Variants in DISC1 observed in about 807,000 individuals in gnomAD.
DISC1 encodes disrupted in schizophrenia 1 protein.
Under a neutral mutation model 84.5 loss-of-function variants are expected in DISC1, and 57 were observed. The observed-to-expected ratio is 0.67, with a 90% CI of 0.55 to 0.84. DISC1 has a LOEUF of 0.84. DISC1 is among the 40% of genes least tolerant of loss of function. The pLI, the probability that DISC1 is intolerant of heterozygous loss-of-function variation, is 0.00. For missense variants in DISC1, 1,000 were observed against 1,057.8 expected, an observed-to-expected ratio of 0.95 and a Z score of 0.76; for synonymous variants, 411 against 415.2, an observed-to-expected ratio of 0.99 and a Z score of 0.12.
chr1:231,920,077 G>A (rs2126077137), intron 9 of DISC1, among the ~76,000 whole-genome samples: 1 of 152,188 alleles, frequency 6.6e-6, no homozygotes, highest in Admixed American at 6.5e-5. Flanking sequence ...CGTACTAGAT[G>A]CTAGTGCCTC....
intron 10 of DISC1, among the ~76,000 whole-genome samples, chr1:231,995,412 C>A (rs1665794938): frequency 6.6e-6 from 1 of 151,722 alleles, no homozygotes; most frequent in East Asian, 1.9e-4. Flanking sequence ...CATATGTATA[C>A]ATGTGCCATG....
At chr1:232,035,522 A>G (rs887420602) in intron 12 of DISC1, among the ~76,000 whole-genome samples, 1 of 152,206 alleles carries the variant, frequency 6.6e-6, no homozygotes, top group Non-Finnish European at 1.5e-5. Flanking sequence ...TTGCATTGAC[A>G]TTGCACTTTG....
At chr1:231,750,648 TC>T in intron 4 of DISC1, 1 of 955,580 alleles carries the variant, frequency 1.0e-6, no homozygotes, top group Non-Finnish European at 1.2e-6. Flanking sequence ...ATGTCCAGGC[TC>T]CTCCCCAGGC....
intron 9 of DISC1, among the ~76,000 whole-genome samples, chr1:231,846,397 G>C (rs1264472521): frequency 6.6e-6 from 1 of 152,208 alleles, no homozygotes; most frequent in African/African-American, 2.4e-5. Context: ...TTGGACCCTG[G>C]CCTTCCTAAG....
At position 231,698,855 on chromosome 1, in the gene DISC1, A is replaced by G. The variant is rs998889294; in HGVS notation, c.1048-3100A>G. On this transcript the variant is annotated intron_variant, in intron 2 of 12. Transcript: ENST00000439617. This position sits in a 1 kb window ranked among gnomAD's most constrained non-coding sequence, Gnocchi z 4.9. ...TACTGGTAAACTTTGCAGTTGTAAT[A>G]TAGAACAATTCAAAGACAAAGGGGT... Among the ~76,000 whole-genome samples the G allele has an allele frequency of 1.3e-5, 2 of 152,194 alleles. No individual in the cohort carries two copies. Among genetic ancestry groups the G allele is most frequent in the Admixed American group, 6.5e-5 (1 of 15,280 alleles).
intron 1 of DISC1, among the ~76,000 whole-genome samples, chr1:231,669,980 A>G (rs1311010495): frequency 1.3e-5 from 2 of 152,218 alleles, no homozygotes; most frequent in East Asian, 3.8e-4. Flanking sequence ...CTAAATGCCA[A>G]TCAATGATAG....
At chr1:231,988,512 C>A (rs1387835394) in intron 10 of DISC1, among the ~76,000 whole-genome samples, 1 of 152,166 alleles carries the variant, frequency 6.6e-6, no homozygotes, top group Non-Finnish European at 1.5e-5. Flanking sequence ...GGAGCCCTCA[C>A]GAGTGCTGAT....
At chr1:231,736,370 G>C (rs1028668320) in intron 3 of DISC1, among the ~76,000 whole-genome samples, 2 of 152,204 alleles carry the variant, frequency 1.3e-5, no homozygotes, top group African/African-American at 4.8e-5. Context: ...ATCAAGTTCA[G>C]ACTCTGCCTT....
intron 11 of DISC1, among the ~76,000 whole-genome samples, chr1:232,014,369 C>T (rs1668290888): frequency 6.6e-6 from 1 of 152,182 alleles, no homozygotes; most frequent in African/African-American, 2.4e-5. Context: ...TTCACTTACC[C>T]ATCAGCTGGT....
At chr1:231,855,037 G>A (rs2125910685) in intron 9 of DISC1, 6 of 1,011,590 alleles carry the variant, frequency 5.9e-6, no homozygotes, top group Non-Finnish European at 7.1e-6. Context: ...TCTTTAATGT[G>A]AGGAAATATC....
rs769793638 is a variant in DISC1 at position 231,885,927 on chromosome 1, T to A, written c.1981+67410T>A. ...AGAACACCATAGATTTGGTAATTTA[T>A]AAAGAGCAGAAACATATTTCCTCAT... On this transcript the variant is annotated intron_variant, in intron 9 of 12. Transcript: ENST00000439617. 2.0e-5 allele frequency among the ~76,000 whole-genome samples: 3 copies of A among 152,276 alleles called. No individual in the cohort carries two copies. In the South Asian group the frequency reaches 6.2e-4, roughly 32 times the overall value.
At position 231,694,824 on chromosome 1, in the gene DISC1, T is replaced by C. The variant is rs2065436384; in HGVS notation, c.1047+19T>C. On this transcript the variant is annotated intron_variant, in intron 2 of 12. Coordinates refer to ENST00000439617, the MANE Select transcript of DISC1 (RefSeq NM_018662.3). ...GATGGAGGTCAGTGTCTCTTCCACC[T>C]CTGTGGCCCGAGATTGTCGTGAGCT... The C allele has an allele frequency of 1.9e-6, 3 of 1,611,420 alleles. No homozygotes were observed. The highest frequency in any genetic ancestry group is 4.5e-5 in the East Asian group (2 of 44,790).
intron 9 of DISC1, among the ~76,000 whole-genome samples, chr1:231,879,173 T>TG (rs1459250493): frequency 6.6e-6 from 1 of 152,040 alleles, no homozygotes; most frequent in Non-Finnish European, 1.5e-5. Flanking sequence ...AAACGTGAAA[T>TG]GCTCCAATTA....
chr1:231,962,508 A>G (rs1660523761), intron 10 of DISC1, among the ~76,000 whole-genome samples: 2 of 152,212 alleles, frequency 1.3e-5, no homozygotes. Context: ...CTGAGCAAAA[A>G]GAACAAAGCT....
intron 1 of DISC1, among the ~76,000 whole-genome samples, chr1:231,627,669 C>A (rs1165777183): frequency 6.6e-6 from 1 of 152,188 alleles, no homozygotes; most frequent in Non-Finnish European, 1.5e-5. Flanking sequence ...TGAGGTTTTC[C>A]AAAGACAGTG....
chr1:231,688,479 G>A (rs1204823586), intron 1 of DISC1, among the ~76,000 whole-genome samples: 1 of 152,200 alleles, frequency 6.6e-6, no homozygotes, highest in African/African-American at 2.4e-5. Flanking sequence ...AATTAAAGAT[G>A]TGTTTGTGAC....
chr1:231,831,064 C>T (rs1344451152), intron 9 of DISC1, among the ~76,000 whole-genome samples: 1 of 152,148 alleles, frequency 6.6e-6, no homozygotes, highest in Non-Finnish European at 1.5e-5. Flanking sequence ...CCTTCTCGGA[C>T]CCTGTAGGAA....
At chr1:232,034,772 T>A (rs1337813170) in intron 12 of DISC1, among the ~76,000 whole-genome samples, 1 of 152,152 alleles carries the variant, frequency 6.6e-6, no homozygotes, top group Non-Finnish European at 1.5e-5. Context: ...TGGCATGACT[T>A]TGTGATTAAA....
At chr1:231,720,064 GCAGCCC>G (rs1294927004) in intron 3 of DISC1, among the ~76,000 whole-genome samples, 1 of 152,146 alleles carries the variant, frequency 6.6e-6, no homozygotes, top group Non-Finnish European at 1.5e-5. Context: ...AGACACTGAA[GCAGCCC>G]CTGTTTGCTA....
Sources: gnomAD v4.1 joint callset for allele counts (sites outside exome capture counted in the v4.1 genomes callset) on GRCh38, gnomAD v4.1.1 for gene constraint, Gnocchi (gnomAD v3.1) non-coding constraint, MANE v1.5 for transcripts, NCBI Gene and HGNC (gene_info 2026-07-23, HGNC 2026-07-21) for gene names.